Variants in PSMD1 observed in about 807,000 individuals in gnomAD.
PSMD1 encodes the protein proteasome 26S subunit, non-ATPase 1.
In PSMD1, 18 loss-of-function variants were observed where a neutral mutation model predicts 119.0. That is an observed-to-expected ratio of 0.15 (90% CI 0.10 to 0.22). PSMD1 has a LOEUF of 0.22. Among genes scored for constraint, PSMD1 ranks in the 10% least tolerant of loss-of-function variants. The pLI, the probability that PSMD1 is intolerant of heterozygous loss-of-function variation, is 1.00. For synonymous variants in PSMD1, 374 were observed against 396.6 expected, an observed-to-expected ratio of 0.94 and a Z score of 0.68; for missense variants, 702 against 1,158.5, an observed-to-expected ratio of 0.61 and a Z score of 5.72.
At chr2:231,070,865 A>AT (rs1169398999) in intron 6 of PSMD1, among the ~76,000 whole-genome samples, 1 of 152,056 alleles carries the variant, frequency 6.6e-6, no homozygotes, top group African/African-American at 2.4e-5. Context: ...AGGGCATAGC[A>AT]TTTTATTGCA....
Position 231,073,870 on chromosome 2 carries a change from A to G in PSMD1, c.881+1455A>G, listed in dbSNP as rs1215512143. On this transcript the variant is annotated intron_variant, in intron 7 of 24. Coordinates refer to ENST00000308696, the MANE Select transcript of PSMD1 (RefSeq NM_002807.4). ...TCCTATGACCTTGATAAAATCATTT[A>G]TAGCTTTATAAATGATTTTTTTAAG... Among the ~76,000 whole-genome samples, 3 of 152,004 alleles carry G rather than the reference A, an allele frequency of 2.0e-5. No individual in the cohort carries two copies. In the South Asian group the frequency reaches 6.2e-4, roughly 31 times the overall value.
Position 231,063,594 on chromosome 2 carries a change from G to A in PSMD1, c.304+919G>A, listed in dbSNP as rs576925939. ...GGGGTTGATAGAGGTACCATCAACT[G>A]TCCTTGGGATTCTGTGTTCATGTTT... On this transcript the variant is annotated intron_variant, in intron 4 of 24. Coordinates refer to ENST00000308696, the MANE Select transcript of PSMD1 (RefSeq NM_002807.4). Among the ~76,000 whole-genome samples the A allele has an allele frequency of 2.6e-5, 4 of 152,348 alleles. No homozygotes were observed. The South Asian group carries it at 8.3e-4, about 32-fold the overall frequency.
chr2:231,067,173 C>T, intron 5 of PSMD1, 62 bp downstream of exon 5: 2 of 1,282,202 alleles, frequency 1.6e-6, no homozygotes, highest in Non-Finnish European at 2.1e-6. Context: ...GCAAGTTATT[C>T]AAACTGAAAC....
chr2:231,108,822 T>G, intron 16 of PSMD1: 1 of 1,614,106 alleles, frequency 6.2e-7, no homozygotes. Flanking sequence ...TTGAAGAGGG[T>G]GTAGACCAAA....
At chr2:231,136,406 A>G (rs990648261) in intron 16 of PSMD1, among the ~76,000 whole-genome samples, 1 of 152,240 alleles carries the variant, frequency 6.6e-6, no homozygotes, top group African/African-American at 2.4e-5. Flanking sequence ...TGTAGGCCAA[A>G]TAAAATCTGC....
At chr2:231,118,239 T>C (rs972023792) in intron 16 of PSMD1, among the ~76,000 whole-genome samples, 1 of 152,102 alleles carries the variant, frequency 6.6e-6, no homozygotes, top group Non-Finnish European at 1.5e-5. Flanking sequence ...TAAATGTTAG[T>C]GCTTATTACT....
chr2:231,121,438 CA>C (rs1342982159), intron 16 of PSMD1, among the ~76,000 whole-genome samples: 1 of 152,114 alleles, frequency 6.6e-6, no homozygotes, highest in Non-Finnish European at 1.5e-5. Context: ...AAATGTCTAT[CA>C]ATTATTTAAG....
chr2:231,114,046 C>CT, intron 16 of PSMD1: 1 of 774,812 alleles, frequency 1.3e-6, no homozygotes, highest in Non-Finnish European at 2.3e-6. Flanking sequence ...AATTTTATAA[C>CT]TTTAACAACA....
chr2:231,093,282 G>T (rs113351815), intron 16 of PSMD1, among the ~76,000 whole-genome samples: 1 of 152,230 alleles, frequency 6.6e-6, no homozygotes, highest in Non-Finnish European at 1.5e-5. Flanking sequence ...GAGAGTTGCA[G>T]TGTACAACAG....
chr2:231,165,346 T>C, intron 22 of PSMD1, 60 bp downstream of exon 22: 1 of 1,482,972 alleles, frequency 6.7e-7, no homozygotes, highest in Non-Finnish European at 9.1e-7. Flanking sequence ...ATGGTCGAGA[T>C]TCTTCCTTAG....
chr2:231,143,065 T>C (rs6755416), intron 17 of PSMD1, among the ~76,000 whole-genome samples: 22,455 of 152,014 alleles, frequency 0.15, 3,433 homozygotes, highest in African/African-American at 0.39. Context: ...ACTCTTTTCG[T>C]CCCAGATTTA....
intron 16 of PSMD1, among the ~76,000 whole-genome samples, chr2:231,122,459 A>G (rs1695578698): frequency 6.6e-6 from 1 of 152,132 alleles, no homozygotes; most frequent in Non-Finnish European, 1.5e-5. Flanking sequence ...TATAATTCTA[A>G]GAAACTATAT....
At chr2:231,169,050 G>A (rs1040245967) in intron 23 of PSMD1, among the ~76,000 whole-genome samples, 2 of 152,102 alleles carry the variant, frequency 1.3e-5, no homozygotes, top group African/African-American at 2.4e-5. Flanking sequence ...TGCATAGAGG[G>A]TGTGAACTTT....
At chr2:231,092,548 C>T (rs557239421) in intron 16 of PSMD1, among the ~76,000 whole-genome samples, 12 of 152,290 alleles carry the variant, frequency 7.9e-5, no homozygotes, top group Admixed American at 7.8e-4. Context: ...ATGGACTCTC[C>T]TTGGGATCTG....
chr2:231,113,912 G>A, intron 16 of PSMD1: 1 of 1,614,006 alleles, frequency 6.2e-7, no homozygotes, highest in South Asian at 1.1e-5. Context: ...AGAACAAGTG[G>A]GAGGGGCCAC....
chr2:231,162,837 A>AAAG (rs1185714514), intron 20 of PSMD1, among the ~76,000 whole-genome samples: 4 of 151,224 alleles, frequency 2.6e-5, no homozygotes, highest in South Asian at 2.1e-4. Context: ...AAAAAAAAAA[A>AAAG]AAAGAAAGAA....
Position 231,072,178 on chromosome 2 carries a change from C to T in PSMD1, c.655-11C>T. On this transcript the variant is annotated splice_polypyrimidine_tract_variant and intron_variant, in intron 6 of 24. Coordinates refer to ENST00000308696, the MANE Select transcript of PSMD1 (RefSeq NM_002807.4). ...TAATTATTGAATAATTGTTCTTTAT[C>T]TCCATTTCAGTGCTTAATTTTCTTA... 4 of 1,587,576 alleles carry T rather than the reference C, an allele frequency of 2.5e-6. No individual in the cohort carries two copies. Among genetic ancestry groups the T allele is most frequent in the South Asian group, 2.2e-5 (2 of 90,252 alleles).
At chr2:231,104,787 T>C (rs2125197464) in intron 16 of PSMD1, among the ~76,000 whole-genome samples, 1 of 152,290 alleles carries the variant, frequency 6.6e-6, no homozygotes, top group Middle Eastern at 3.4e-3. Flanking sequence ...ATAAAACAGC[T>C]TTATTCTTAA....
intron 16 of PSMD1, chr2:231,109,509 G>T: frequency 3.9e-6 from 4 of 1,038,838 alleles, no homozygotes; most frequent in Middle Eastern, 2.1e-4. Context: ...ATGCTTGTTG[G>T]TGCATTATAA....
Sources: allele counts gnomAD v4.1 joint callset (sites outside exome capture counted in the v4.1 genomes callset), GRCh38; gene constraint gnomAD v4.1.1; transcripts MANE v1.5; gene names NCBI Gene and HGNC (gene_info 2026-07-23, HGNC 2026-07-21).